Variants in IL1RAPL2 observed in about 807,000 individuals in gnomAD.
The protein encoded by IL1RAPL2 is X-linked interleukin-1 receptor accessory protein-like 2.
A neutral mutation model predicts 44.1 loss-of-function variants in IL1RAPL2; 3 were observed. The observed-to-expected ratio is 0.07, with a 90% confidence interval of 0.03 to 0.18. The LOEUF is 0.18. Among genes scored for constraint, IL1RAPL2 ranks in the 10% least tolerant of loss-of-function variants. The pLI is 1.00. For synonymous variants in IL1RAPL2, 181 were observed against 178.8 expected (o/e 1.01, Z -0.10); for missense variants, 391 against 496.4 (o/e 0.79, Z 2.02).
At chrX:104,585,152 T>C (rs1419647952) in intron 1 of IL1RAPL2, among the ~76,000 whole-genome samples, 2 of 74,793 alleles carry the variant, frequency 2.7e-5, no homozygotes, top group Non-Finnish European at 4.7e-5. Context: ...CACACACACA[T>C]ATATATACAC....
chrX:105,595,741 TATTA>T (rs2037204737), intron 6 of IL1RAPL2, among the ~76,000 whole-genome samples: 1 of 111,125 alleles, frequency 9.0e-6, no homozygotes, highest in South Asian at 3.7e-4. Context: ...GGAGAATTGG[TATTA>T]ATTCTTTGAA....
chrX:105,122,628 C>T (rs955069708), intron 2 of IL1RAPL2, among the ~76,000 whole-genome samples: 1 of 111,340 alleles, frequency 9.0e-6, no homozygotes, highest in African/African-American at 3.3e-5. Flanking sequence ...GTGGAAAAGT[C>T]ACATAATACA....
intron 2 of IL1RAPL2, among the ~76,000 whole-genome samples, chrX:104,767,700 A>C (rs1357995090): frequency 1.8e-5 from 2 of 112,387 alleles, no homozygotes; most frequent in Admixed American, 1.9e-4. Flanking sequence ...TACAAATTAC[A>C]AACACCATTC....
chrX:105,150,035 C>T (rs1283196884), intron 2 of IL1RAPL2, among the ~76,000 whole-genome samples: 1 of 110,207 alleles, frequency 9.1e-6, no homozygotes, highest in Admixed American at 9.8e-5. Flanking sequence ...GCTTTTGTTT[C>T]CCTTTACTTC....
chrX:105,060,775 G>T (rs1233806624), intron 2 of IL1RAPL2, among the ~76,000 whole-genome samples: 2 of 108,982 alleles, frequency 1.8e-5, no homozygotes, highest in African/African-American at 6.6e-5. Flanking sequence ...TTTAATCTTG[G>T]TAGGTTGTAT....
At chrX:105,665,348 T>C (rs866433045) in intron 6 of IL1RAPL2, among the ~76,000 whole-genome samples, 2,515 of 107,353 alleles carry the variant, frequency 0.023, 68 homozygotes, top group African/African-American at 0.077. Context: ...CGCGTGCGTG[T>C]GTGTGTGTGT....
rs776491894 is a variant in IL1RAPL2 at position 105,414,261 on chromosome X, G to A, written c.698-70052G>A. On this transcript the variant is annotated intron_variant, in intron 5 of 10. Transcript: ENST00000372582. ...TTCTGCCTCAGCCTCCCGAGTAGCC[G>A]GGACTATAGGTGCCCACCACCATGC... 2.9e-4 allele frequency among the ~76,000 whole-genome samples: 32 copies of A among 110,516 alleles called. No individual in the cohort carries two copies. The South Asian group carries it at 3.5e-3, about 12-fold the overall frequency.
chrX:105,719,637 CAT>C (rs1156414550), intron 7 of IL1RAPL2, among the ~76,000 whole-genome samples: 1 of 109,746 alleles, frequency 9.1e-6, no homozygotes, highest in Non-Finnish European at 1.9e-5. Flanking sequence ...TAAAATTGAC[CAT>C]AGTGATAGTT....
chrX:104,906,202 G>C (rs961082522), intron 2 of IL1RAPL2, among the ~76,000 whole-genome samples: 1 of 111,312 alleles, frequency 9.0e-6, no homozygotes, highest in Non-Finnish European at 1.9e-5. Flanking sequence ...AGGAGATTTT[G>C]GGCTGAGACA....
At chrX:105,200,885 TG>T (rs1479972964) in intron 3 of IL1RAPL2, among the ~76,000 whole-genome samples, 1 of 110,698 alleles carries the variant, frequency 9.0e-6, no homozygotes, top group African/African-American at 3.3e-5. Context: ...CACTCCAGTC[TG>T]GGTGACAGAG....
chrX:104,933,253 G>C (rs1461984384), intron 2 of IL1RAPL2, among the ~76,000 whole-genome samples: 1 of 110,750 alleles, frequency 9.0e-6, no homozygotes, highest in Non-Finnish European at 1.9e-5. Flanking sequence ...ATGTACCCTA[G>C]AACTTAAAAT....
intron 2 of IL1RAPL2, among the ~76,000 whole-genome samples, chrX:104,746,969 A>G (rs1051364289): frequency 1.8e-5 from 2 of 111,676 alleles, no homozygotes; most frequent in African/African-American, 6.5e-5. Flanking sequence ...TCCAGTCCTT[A>G]GATCTAACAT....
intron 2 of IL1RAPL2, among the ~76,000 whole-genome samples, chrX:105,027,371 C>T (rs914845183): frequency 9.0e-6 from 1 of 111,068 alleles, no homozygotes; most frequent in Non-Finnish European, 1.9e-5. Context: ...AAACAATCGT[C>T]AAAGTGAAGA....
chrX:104,892,123 C>T (rs571993030), intron 2 of IL1RAPL2, among the ~76,000 whole-genome samples: 2 of 111,538 alleles, frequency 1.8e-5, no homozygotes, highest in African/African-American at 6.5e-5. Context: ...GTTGAACCAG[C>T]CTTGCATCCC....
chrX:104,609,629 G>A (rs757116996), intron 1 of IL1RAPL2, among the ~76,000 whole-genome samples: 129 of 110,295 alleles, frequency 1.2e-3, no homozygotes, highest in African/African-American at 4.0e-3. Context: ...CCTTTTTTCC[G>A]CTTGATCGAA....
At chrX:105,078,319 G>A (rs2032343765) in intron 2 of IL1RAPL2, among the ~76,000 whole-genome samples, 1 of 111,829 alleles carries the variant, frequency 8.9e-6, no homozygotes, top group Admixed American at 9.5e-5. Context: ...GTTTGCCTGG[G>A]TATCAGCAGT....
intron 5 of IL1RAPL2, among the ~76,000 whole-genome samples, chrX:105,372,061 A>T (rs1219241358): frequency 3.6e-5 from 4 of 111,534 alleles, no homozygotes; most frequent in African/African-American, 1.3e-4. Flanking sequence ...ACAGGTTTTT[A>T]AGTTCATACT....
At chrX:104,978,310 A>G (rs2030374475) in intron 2 of IL1RAPL2, among the ~76,000 whole-genome samples, 1 of 112,044 alleles carries the variant, frequency 8.9e-6, no homozygotes, top group East Asian at 2.8e-4. Context: ...GTGTAGGAGC[A>G]CACAAAGGGC....
At chrX:104,900,530 T>G (rs761841166) in intron 2 of IL1RAPL2, among the ~76,000 whole-genome samples, 43 of 111,201 alleles carry the variant, frequency 3.9e-4, no homozygotes, top group Non-Finnish European at 7.2e-4. Flanking sequence ...AAACAACAAT[T>G]ATTTATTTTC....
Sources: allele counts gnomAD v4.1 joint callset (sites outside exome capture counted in the v4.1 genomes callset), GRCh38; gene constraint gnomAD v4.1.1; transcripts MANE v1.5; gene names NCBI Gene and HGNC (gene_info 2026-07-23, HGNC 2026-07-21).